NEO1: variants seen among roughly 807,000 people sequenced by gnomAD.
The protein encoded by NEO1 is neogenin.
NEO1 carries 63 observed loss-of-function variants against 159.7 expected under a neutral mutation model. The ratio of observed to expected loss-of-function variants is 0.39; its 90% CI spans 0.32 to 0.49. The LOEUF (loss-of-function observed/expected upper bound fraction) is 0.49. Ranked by LOEUF, NEO1 falls within the 20% of genes least tolerant of loss-of-function variation. The pLI is 0.85. For synonymous variants in NEO1, 633 were observed against 662.0 expected (o/e 0.96, Z 0.67); for missense variants, 1,615 against 1,831.0 (o/e 0.88, Z 2.15).
At chr15:73,252,881 T>C (rs1173502565) in intron 11 of NEO1, among the ~76,000 whole-genome samples, 1 of 152,066 alleles carries the variant, frequency 6.6e-6, no homozygotes, top group Non-Finnish European at 1.5e-5. Flanking sequence ...TCCTGGCTAC[T>C]CAGGAGGCTG....
Position 73,148,157 on chromosome 15 carries a change from C to T in NEO1, c.1015+12130C>T, listed in dbSNP as rs78341849. 4.4e-3 allele frequency among the ~76,000 whole-genome samples: 677 copies of T among 152,136 alleles called. 3 individuals carry two copies. Among genetic ancestry groups the T allele is most frequent in the African/African-American group, 0.015 (634 of 41,498 alleles). On this transcript the variant is annotated intron_variant, in intron 5 of 28. Transcript: ENST00000261908. ...TATTTACTACCTTATTTTTATTGAA[C>T]CATATTTCTTCTGCCTTAAAGGGGT...
intron 1 of NEO1, among the ~76,000 whole-genome samples, chr15:73,064,740 T>C (rs564061633): frequency 2.2e-4 from 33 of 152,328 alleles, no homozygotes; most frequent in Admixed American, 8.5e-4. Flanking sequence ...GTGCTGGGAT[T>C]ACAGATGTGA....
At chr15:73,194,435 C>A (rs569371569) in intron 7 of NEO1, among the ~76,000 whole-genome samples, 1 of 152,322 alleles carries the variant, frequency 6.6e-6, no homozygotes, top group African/African-American at 2.4e-5. Context: ...GCACCATCAT[C>A]TGCTTCCAAT....
intron 11 of NEO1, among the ~76,000 whole-genome samples, chr15:73,252,541 C>G (rs996916576): frequency 6.6e-6 from 1 of 152,208 alleles, no homozygotes; most frequent in Non-Finnish European, 1.5e-5. Flanking sequence ...TACTTGGGAA[C>G]TGCCTTCAAA....
At chr15:73,258,910 T>C in intron 14 of NEO1, 34 bp downstream of exon 14, 1 of 1,533,220 alleles carries the variant, frequency 6.5e-7, no homozygotes, top group Non-Finnish European at 9.0e-7. Flanking sequence ...TGGAACACAA[T>C]AGATACTAGC....
intron 5 of NEO1, among the ~76,000 whole-genome samples, chr15:73,160,472 A>G (rs986016430): frequency 2.6e-5 from 4 of 152,112 alleles, no homozygotes; most frequent in Non-Finnish European, 5.9e-5. Context: ...AGAGAGTGTC[A>G]TATCTCACAG....
At chr15:73,269,278 A>G (rs1275994017) in intron 16 of NEO1, among the ~76,000 whole-genome samples, 1 of 152,108 alleles carries the variant, frequency 6.6e-6, no homozygotes, top group Non-Finnish European at 1.5e-5. Context: ...GAAATCTCAA[A>G]CCATGAGGTT....
rs1446101801 is a variant in NEO1, at chr15:73,119,012, T to TGC, written c.448+2160_448+2161dup. Among the ~76,000 whole-genome samples the TGC allele has an allele frequency of 2.4e-3, 360 of 152,006 alleles. 2 individuals carry two copies. Among genetic ancestry groups the TGC allele is most frequent in the African/African-American group, 7.4e-3 (306 of 41,470 alleles). On this transcript the variant is annotated intron_variant, in intron 2 of 28. Transcript: ENST00000261908. Reference sequence around the variant, plus strand: ...AGGATACACTGTGTGTGTGTGTGTGTGCGCGCAATTAAAAGGTACTAGTTT... The same window carrying TGC: ...AGGATACACTGTGTGTGTGTGTGTGTGCGCGCGCAATTAAAAGGTACTAGTTT...
In NEO1 at chr15:73,052,771, G is replaced by T; in HGVS notation, c.96G>T (p.Ala32=). ...LLLGRRAPGA[A]AARSGSAPQS... is the part of the protein sequence containing the mutation. ...TCGGGCGCCGGGCGCCGGGCGCCGC[G>T]GCCGCCAGGAGCGGCTCCGCGCCGC... Residue 32 remains alanine, a synonymous_variant, in exon 1 of 29, where the codon GCG becomes GCT. Coordinates refer to ENST00000261908, the MANE Select transcript of NEO1 (RefSeq NM_002499.4). 1 of 1,241,660 alleles carries T rather than the reference G, an allele frequency of 8.1e-7. No individual in the cohort carries two copies. The highest frequency in any genetic ancestry group is 1.0e-6 in the Non-Finnish European group (1 of 984,926). 76.9% of individuals were successfully genotyped at this position (1,241,660 alleles called of 1,614,324 possible).
chr15:73,061,513 TG>T (rs1257383016), intron 1 of NEO1, among the ~76,000 whole-genome samples: 1 of 152,168 alleles, frequency 6.6e-6, no homozygotes. Context: ...GGAGGTGAGG[TG>T]GCAGGGTATG....
chr15:73,177,648 G>A (rs1461801092), intron 6 of NEO1, among the ~76,000 whole-genome samples: 1 of 152,114 alleles, frequency 6.6e-6, no homozygotes, highest in Non-Finnish European at 1.5e-5. Context: ...CTGGGCTTAA[G>A]CGATCCTCCT....
At chr15:73,065,561 G>A (rs1335553537) in intron 1 of NEO1, among the ~76,000 whole-genome samples, 1 of 152,120 alleles carries the variant, frequency 6.6e-6, no homozygotes, top group Non-Finnish European at 1.5e-5. Flanking sequence ...CTAGTAAGAA[G>A]TCAACTGTCT....
intron 13 of NEO1, among the ~76,000 whole-genome samples, chr15:73,256,925 C>CA (rs945255348): frequency 3.3e-5 from 5 of 149,410 alleles, no homozygotes; most frequent in Admixed American, 6.7e-5. Context: ...TGTGTCTCTA[C>CA]AAAAAATACA....
chr15:73,136,415 G>A (rs1209059762), intron 5 of NEO1, among the ~76,000 whole-genome samples: 1 of 152,030 alleles, frequency 6.6e-6, no homozygotes, highest in East Asian at 1.9e-4. Flanking sequence ...GACAGGAAGG[G>A]TATGATCTGG....
chr15:73,124,697 A>G lies in NEO1; in HGVS notation c.725-1720A>G, dbSNP rs191512412. Among the ~76,000 whole-genome samples, 6 of 152,202 alleles carry G rather than the reference A, an allele frequency of 3.9e-5. No individual in the cohort carries two copies. In the East Asian group the frequency reaches 1.2e-3, roughly 29 times the overall value. The stretch of plus-strand genomic sequence containing the variant: ...CTTGAACACTCTGTTTAAAACAACA[A>G]TCTTTGATTTCCACCCCCAGTGTTT... On this transcript the variant is annotated intron_variant, in intron 3 of 28. Transcript: ENST00000261908.
intron 2 of NEO1, among the ~76,000 whole-genome samples, chr15:73,117,082 T>C (rs2071370038): frequency 6.6e-6 from 1 of 152,222 alleles, no homozygotes; most frequent in African/African-American, 2.4e-5. Flanking sequence ...GATGGCTTAA[T>C]ATTGCTATCA....
chr15:73,259,296 C>T (rs2040510898), intron 14 of NEO1, among the ~76,000 whole-genome samples: 1 of 151,810 alleles, frequency 6.6e-6, no homozygotes, highest in Non-Finnish European at 1.5e-5. Context: ...GTATAGGTAG[C>T]ACCTTTATCA....
At chr15:73,272,816 A>T (rs3784795) in intron 19 of NEO1, among the ~76,000 whole-genome samples, 43,080 of 151,856 alleles carry the variant, frequency 0.28, 7,100 homozygotes, top group East Asian at 0.55. Context: ...GCCTTTGGCT[A>T]TAGTGGGACT....
chr15:73,165,757 C>T (rs2034528619), intron 5 of NEO1, among the ~76,000 whole-genome samples: 1 of 152,154 alleles, frequency 6.6e-6, no homozygotes, highest in South Asian at 2.1e-4. Context: ...AGAGGATTGC[C>T]GTTTTTACAG....
Sources: allele counts gnomAD v4.1 joint callset (sites outside exome capture counted in the v4.1 genomes callset), GRCh38; gene constraint gnomAD v4.1.1; transcripts MANE v1.5; gene names NCBI Gene and HGNC (gene_info 2026-07-23, HGNC 2026-07-21).